Variants in MCTP1 observed in about 807,000 individuals in gnomAD.
The protein encoded by MCTP1 is multiple C2 and transmembrane domain-containing protein 1.
In MCTP1, 69 loss-of-function variants were observed where a neutral mutation model predicts 120.6. The observed-to-expected ratio is 0.57, with a 90% CI of 0.47 to 0.70. The LOEUF is 0.70. Ranked by LOEUF, MCTP1 falls within the 30% of genes least tolerant of loss-of-function variation. The pLI is 0.00. For synonymous variants in MCTP1, 529 were observed against 493.1 expected, an observed-to-expected ratio of 1.07 and a Z score of -0.96; for missense variants, 1,203 against 1,248.8, an observed-to-expected ratio of 0.96 and a Z score of 0.55.
At chr5:94,954,789 C>T (rs961005110) in intron 2 of MCTP1, among the ~76,000 whole-genome samples, 8 of 152,034 alleles carry the variant, frequency 5.3e-5, no homozygotes, top group African/African-American at 1.9e-4. Context: ...CATCCTTGGT[C>T]CCATATTTTT....
At chr5:94,708,199 T>C (rs1319703279) in intron 22 of MCTP1, 1 of 42,084 alleles carries the variant, frequency 2.4e-5, no homozygotes. Flanking sequence ...TTTCATCATC[T>C]AATATTCCTG....
intron 1 of MCTP1, among the ~76,000 whole-genome samples, chr5:95,261,512 C>A (rs978690356): frequency 1.3e-5 from 2 of 152,198 alleles, no homozygotes; most frequent in Admixed American, 1.3e-4. Context: ...TTGTTGCACT[C>A]TGGTGCCACC....
intron 10 of MCTP1, among the ~76,000 whole-genome samples, chr5:94,907,460 A>C (rs75392870): frequency 0.014 from 2,106 of 152,296 alleles, 33 homozygotes; most frequent in Non-Finnish European, 0.018. Context: ...CTCATAGGCA[A>C]TTAAGTTTGG....
At chr5:95,092,716 G>A (rs545214782) in intron 1 of MCTP1, among the ~76,000 whole-genome samples, 195 of 152,026 alleles carry the variant, frequency 1.3e-3, no homozygotes, top group African/African-American at 4.6e-3. Context: ...AAGAAAAGGT[G>A]AAAGAAAGAA....
intron 1 of MCTP1, among the ~76,000 whole-genome samples, chr5:95,216,413 C>G (rs574548395): frequency 1.3e-5 from 2 of 152,212 alleles, no homozygotes; most frequent in Non-Finnish European, 2.9e-5. Flanking sequence ...TAAGAAACTA[C>G]TCTATCCTGT....
intron 14 of MCTP1, 95 bp from the exon 15 acceptor site, chr5:94,871,068 A>C: frequency 9.9e-7 from 1 of 1,011,688 alleles, no homozygotes; most frequent in South Asian, 1.3e-5. Flanking sequence ...AAACTGACAG[A>C]GAACCCAAAA....
chr5:95,108,470 G>A (rs1051144560), intron 1 of MCTP1, among the ~76,000 whole-genome samples: 2 of 152,196 alleles, frequency 1.3e-5, no homozygotes, highest in Non-Finnish European at 2.9e-5. Context: ...TCAAACACAA[G>A]CCACTAATAT....
At chr5:95,248,017 A>G (rs902754844) in intron 1 of MCTP1, among the ~76,000 whole-genome samples, 2 of 152,174 alleles carry the variant, frequency 1.3e-5, no homozygotes, top group African/African-American at 4.8e-5. Flanking sequence ...TTGATGGAAC[A>G]TATCTCAAAA....
At chr5:95,006,743 T>G (rs1834840149) in intron 2 of MCTP1, among the ~76,000 whole-genome samples, 1 of 152,208 alleles carries the variant, frequency 6.6e-6, no homozygotes, top group Non-Finnish European at 1.5e-5. Context: ...ATGATACAAG[T>G]TGCATTTTCC....
chr5:94,940,431 G>T (rs1180832597), intron 4 of MCTP1, among the ~76,000 whole-genome samples: 3 of 150,386 alleles, frequency 2.0e-5, no homozygotes, highest in Non-Finnish European at 4.4e-5. Context: ...CCAGAAAGTG[G>T]TTGAAAAGGT....
intron 17 of MCTP1, among the ~76,000 whole-genome samples, chr5:94,812,833 G>A (rs469339): frequency 0.96 from 145,809 of 151,518 alleles, 70,318 homozygotes; most frequent in African/African-American, 0.99. Flanking sequence ...AAACCTCTAG[G>A]AGAAAATATT....
chr5:95,156,603 AC>A (rs149141893), intron 1 of MCTP1, among the ~76,000 whole-genome samples: 2,311 of 152,252 alleles, frequency 0.015, 53 homozygotes, highest in African/African-American at 0.052. Context: ...CTTCATAGCC[AC>A]CCCAATAATG....
At chr5:94,864,522 T>C (rs1796435599) in intron 17 of MCTP1, among the ~76,000 whole-genome samples, 1 of 151,910 alleles carries the variant, frequency 6.6e-6, no homozygotes. Context: ...GTAGCTGAAA[T>C]GTTAACTGAT....
At chr5:94,967,330 A>T (rs1825858172) in intron 2 of MCTP1, among the ~76,000 whole-genome samples, 1 of 152,190 alleles carries the variant, frequency 6.6e-6, no homozygotes, top group Non-Finnish European at 1.5e-5. Flanking sequence ...TTGAACACTT[A>T]TTATATCAGC....
At chr5:95,034,919 C>G (rs965377248) in intron 1 of MCTP1, among the ~76,000 whole-genome samples, 1 of 151,926 alleles carries the variant, frequency 6.6e-6, no homozygotes, top group African/African-American at 2.4e-5. Flanking sequence ...AAGACATGAA[C>G]AGATACTTCT....
intron 1 of MCTP1, among the ~76,000 whole-genome samples, chr5:95,066,774 T>A (rs1358227650): frequency 1.3e-5 from 2 of 152,212 alleles, no homozygotes; most frequent in Non-Finnish European, 2.9e-5. Flanking sequence ...ATCTCACTTA[T>A]GTGTGGAATC....
rs1035024928 is a variant in MCTP1, at chr5:95,283,948, G to T, written c.628C>A (p.Leu210Met). The T allele has an allele frequency of 2.8e-6, 4 of 1,408,084 alleles. No homozygotes were observed. The allele number at this position is 1,408,084 out of a possible 1,614,324, so 87.2% of individuals were successfully genotyped here. ...GCGGGAGGAGGCGGCGGCTCCAGCA[G>T]CTGCTCCAGGCAGGCGGTGCCCGGC... The part of the protein sequence containing the change: ...SLPGTACLEQ[L>M]LEPPPPPAEP... The change falls in exon 1 of 23, where the codon CTG (leucine) becomes ATG (methionine). Residue 210 changes from leucine (L) to methionine (M), a missense_variant. Transcript: ENST00000515393.
intron 1 of MCTP1, among the ~76,000 whole-genome samples, chr5:95,076,074 A>G (rs1753482504): frequency 6.6e-6 from 1 of 152,078 alleles, no homozygotes; most frequent in Non-Finnish European, 1.5e-5. Flanking sequence ...TATATATGCT[A>G]TTTTTTTCTA....
chr5:95,202,913 C>A (rs1582517292), intron 1 of MCTP1, among the ~76,000 whole-genome samples: 1 of 151,944 alleles, frequency 6.6e-6, no homozygotes, highest in Non-Finnish European at 1.5e-5. Flanking sequence ...ATTTTTGGTA[C>A]AGACGGGGTT....
Sources: gnomAD v4.1 joint callset for allele counts (sites outside exome capture counted in the v4.1 genomes callset) on GRCh38, gnomAD v4.1.1 for gene constraint, MANE v1.5 for transcripts, NCBI Gene and HGNC (gene_info 2026-07-23, HGNC 2026-07-21) for gene names.